The following DLC1 variants were observed in gnomAD, a reference collection of about 807,000 sequenced individuals.
DLC1 encodes the protein DLC1 Rho GTPase activating protein.
DLC1 carries 54 observed loss-of-function variants against 140.3 expected under a neutral mutation model. That is an observed-to-expected ratio of 0.38 (90% CI 0.31 to 0.48). The LOEUF is 0.48. Ranked by LOEUF, DLC1 falls within the 20% of genes least tolerant of loss-of-function variation. The pLI, the probability that DLC1 is intolerant of heterozygous loss-of-function variation, is 0.96. For synonymous variants in DLC1, 986 were observed against 728.1 expected (o/e 1.35, Z -5.70); for missense variants, 2,536 against 1,907.0 (o/e 1.33, Z -6.14).
chr8:13,106,780 C>T (rs1819601258), intron 7 of DLC1, among the ~76,000 whole-genome samples: 1 of 152,216 alleles, frequency 6.6e-6, no homozygotes, highest in African/African-American at 2.4e-5. Flanking sequence ...ATCTATTTTT[C>T]ATTATACAAC....
intron 2 of DLC1, among the ~76,000 whole-genome samples, chr8:13,469,797 G>T (rs1800122481): frequency 6.6e-6 from 1 of 152,072 alleles, no homozygotes; most frequent in African/African-American, 2.4e-5. Context: ...ATATTGTTTT[G>T]CTGAAAGTCT....
At chr8:13,134,698 C>T (rs768641965) in intron 5 of DLC1, among the ~76,000 whole-genome samples, 1 of 152,134 alleles carries the variant, frequency 6.6e-6, no homozygotes, top group Admixed American at 6.6e-5. Context: ...GTGGCTCACA[C>T]CTGTAATCCT....
chr8:13,124,655 G>A (rs1821400581), intron 5 of DLC1, among the ~76,000 whole-genome samples: 1 of 152,186 alleles, frequency 6.6e-6, no homozygotes, highest in South Asian at 2.1e-4. Context: ...TGCCTAGATA[G>A]GTGGCCTTAA....
intron 1 of DLC1, among the ~76,000 whole-genome samples, chr8:13,537,534 A>G (rs1056450140): frequency 7.9e-5 from 12 of 152,292 alleles, no homozygotes; most frequent in Non-Finnish European, 1.6e-4. Context: ...GACATGGGCT[A>G]CGAGACAGAC....
At chr8:13,207,227 T>C (rs897827365) in intron 5 of DLC1, among the ~76,000 whole-genome samples, 1 of 152,172 alleles carries the variant, frequency 6.6e-6, no homozygotes, top group Non-Finnish European at 1.5e-5. Flanking sequence ...TCAAATTACG[T>C]ATTCAAAATA....
intron 1 of DLC1, among the ~76,000 whole-genome samples, chr8:13,549,629 C>G (rs1344073212): frequency 6.6e-6 from 1 of 152,010 alleles, no homozygotes; most frequent in Non-Finnish European, 1.5e-5. Context: ...AATTTTTAAA[C>G]CCTGTTAAAG....
At chr8:13,168,626 C>T (rs1195304940) in intron 5 of DLC1, among the ~76,000 whole-genome samples, 2 of 152,326 alleles carry the variant, frequency 1.3e-5, no homozygotes, top group Middle Eastern at 3.4e-3. Context: ...GTCTTTTGTT[C>T]TGAGATGGAA....
At chr8:13,173,513 A>G (rs1225613652) in intron 5 of DLC1, among the ~76,000 whole-genome samples, 1 of 151,970 alleles carries the variant, frequency 6.6e-6, no homozygotes, top group Non-Finnish European at 1.5e-5. Flanking sequence ...CTGGGATTAC[A>G]GGCATGCACT....
chr8:13,467,787 C>T (rs543795487), intron 2 of DLC1, among the ~76,000 whole-genome samples: 86 of 152,228 alleles, frequency 5.6e-4, no homozygotes, highest in Non-Finnish European at 1.1e-3. Context: ...TTCTGCATCT[C>T]TTCATATGAT....
At chr8:13,436,227 A>C (rs149666983) in intron 2 of DLC1, among the ~76,000 whole-genome samples, 1 of 152,308 alleles carries the variant, frequency 6.6e-6, no homozygotes, top group African/African-American at 2.4e-5. Flanking sequence ...ACATTCTATC[A>C]TTATTTTCCT....
At chr8:13,306,343 G>A (rs1476476193) in intron 4 of DLC1, among the ~76,000 whole-genome samples, 1 of 152,150 alleles carries the variant, frequency 6.6e-6, no homozygotes, top group Non-Finnish European at 1.5e-5. Flanking sequence ...AATGAAGCAA[G>A]TTGACTTTCT....
intron 5 of DLC1, among the ~76,000 whole-genome samples, chr8:13,129,969 A>G (rs1472471722): frequency 6.6e-6 from 1 of 152,142 alleles, no homozygotes; most frequent in African/African-American, 2.4e-5. Context: ...AGGAGAGTGA[A>G]GCATGAGAAA....
intron 5 of DLC1, among the ~76,000 whole-genome samples, chr8:13,245,208 C>A (rs1478534002): frequency 2.0e-5 from 3 of 152,200 alleles, no homozygotes; most frequent in African/African-American, 7.2e-5. Context: ...TAGGAAGAGG[C>A]CAGGTGTAGG....
At chr8:13,547,407 A>G (rs1212629959) in intron 1 of DLC1, among the ~76,000 whole-genome samples, 1 of 152,052 alleles carries the variant, frequency 6.6e-6, no homozygotes, top group Non-Finnish European at 1.5e-5. Flanking sequence ...ATCACATTTA[A>G]TACATGTATT....
intron 5 of DLC1, chr8:13,133,336 C>T (rs1822287709): frequency 4.3e-6 from 5 of 1,162,110 alleles, no homozygotes; most frequent in African/African-American, 1.7e-5. Context: ...GGGCCCACCC[C>T]CCGAGGGGCG....
chr8:13,384,937 A>G (rs1449573879), intron 4 of DLC1, among the ~76,000 whole-genome samples: 7 of 152,164 alleles, frequency 4.6e-5, no homozygotes, highest in African/African-American at 9.7e-5. Flanking sequence ...AAAATTGTCA[A>G]CATTTTCCTC....
intron 2 of DLC1, among the ~76,000 whole-genome samples, chr8:13,439,285 C>T (rs912760168): frequency 2.0e-5 from 3 of 152,026 alleles, no homozygotes; most frequent in Admixed American, 2.0e-4. Context: ...GATTGTGCCA[C>T]TGCACTCCAG....
intron 4 of DLC1, among the ~76,000 whole-genome samples, chr8:13,333,846 A>T (rs1381495366): frequency 6.6e-6 from 1 of 152,194 alleles, no homozygotes; most frequent in Admixed American, 6.5e-5. Context: ...GCTTTAAAAG[A>T]TCTTAGCAAA....
rs528133402 is a variant in DLC1, at chr8:13,413,855, G to A, written c.1024-12236C>T. Among the ~76,000 whole-genome samples the A allele has an allele frequency of 2.2e-4, 33 of 152,156 alleles. 1 individual carries two copies. The highest frequency in any genetic ancestry group is 6.8e-3 in the Middle Eastern group (2 of 294). ...TAAAGCCCCTTTCTTTATAAATTAC[G>A]CAGTCTCAAGTAGTATCTGTATAGC... On this transcript the variant is annotated intron_variant, in intron 2 of 17. Transcript: ENST00000276297.
Sources: allele counts gnomAD v4.1 joint callset (sites outside exome capture counted in the v4.1 genomes callset), GRCh38; gene constraint gnomAD v4.1.1; transcripts MANE v1.5; gene names NCBI Gene and HGNC (gene_info 2026-07-23, HGNC 2026-07-21).